Variants in ZDHHC3 observed in about 807,000 individuals in gnomAD.
The protein encoded by ZDHHC3 is palmitoyltransferase ZDHHC3.
ZDHHC3 carries 9 observed loss-of-function variants against 30.6 expected under a neutral mutation model. The observed-to-expected ratio is 0.29, with a 90% CI of 0.18 to 0.51. The LOEUF is 0.51. Ranked by LOEUF, ZDHHC3 falls within the 20% of genes least tolerant of loss-of-function variation. The pLI is 0.97. For missense variants in ZDHHC3, 246 were observed against 384.2 expected (o/e 0.64, Z 3.01); for synonymous variants, 136 against 140.2 (o/e 0.97, Z 0.21).
chr3:44,956,748 A>G (rs560111393), intron 2 of ZDHHC3, among the ~76,000 whole-genome samples: 1 of 152,274 alleles, frequency 6.6e-6, no homozygotes, highest in South Asian at 2.1e-4. Flanking sequence ...TGCCCGGACC[A>G]CTGCAATACC....
intron 3 of ZDHHC3, chr3:44,937,765 A>G (rs1173267402): frequency 3.1e-6 from 1 of 323,622 alleles, no homozygotes; most frequent in East Asian, 7.8e-5. Context: ...GGCCCCCAAG[A>G]TTGCACCCGC....
chr3:44,961,796 C>G (rs1261287999), intron 1 of ZDHHC3, among the ~76,000 whole-genome samples: 1 of 152,200 alleles, frequency 6.6e-6, no homozygotes, highest in Non-Finnish European at 1.5e-5. Context: ...CACCTGTGTT[C>G]TCACAATTAC....
Position 44,926,219 on chromosome 3 carries a change from T to G in ZDHHC3, c.*470A>C. ...AGGCCTCAAGGGGTAAGCATCCATC[T>G]TCGGTGAGGTTTTATGTCCCATCGG... On this transcript the variant is annotated 3_prime_UTR_variant, in exon 7 of 7. Coordinates refer to ENST00000424952, the MANE Select transcript of ZDHHC3 (RefSeq NM_001135179.2). 2 of 986,156 alleles carry G rather than the reference T, an allele frequency of 2.0e-6. No individual in the cohort carries two copies. The highest frequency in any genetic ancestry group is 3.5e-5 in the African/African-American group (2 of 57,414). The allele number at this position is 986,156 out of a possible 1,614,324, so 61.1% of individuals were successfully genotyped here.
chr3:44,939,986 A>T (rs1575829577), intron 3 of ZDHHC3, among the ~76,000 whole-genome samples: 1 of 152,246 alleles, frequency 6.6e-6, no homozygotes, highest in South Asian at 2.1e-4. Flanking sequence ...ACGTGGCTGG[A>T]GGCACTGCTC....
At position 44,921,035 on chromosome 3, in the gene ZDHHC3, T is replaced by C. The variant is rs958256103; in HGVS notation, c.*5654A>G. The C allele has an allele frequency of 1.3e-5, 13 of 985,278 alleles. No homozygotes were observed. The highest frequency in any genetic ancestry group is 5.2e-5 in the African/African-American group (3 of 57,214). The allele number at this position is 985,278 out of a possible 1,614,324, so 61.0% of individuals were successfully genotyped here. On this transcript the variant is annotated 3_prime_UTR_variant, in exon 7 of 7. Transcript: ENST00000424952. ...CTTGAGGTTTGCAGAGGAGCAGTAATAGTAGCTTCAGGCTCAAGAGAACGA... is the reference window on the plus strand; with the variant it reads ...CTTGAGGTTTGCAGAGGAGCAGTAACAGTAGCTTCAGGCTCAAGAGAACGA...
Position 44,922,246 on chromosome 3 carries a change from T to C in ZDHHC3, c.*4443A>G. 14 of 985,466 alleles carry C rather than the reference T, an allele frequency of 1.4e-5. No homozygotes were observed. The highest frequency in any genetic ancestry group is 1.7e-5 in the Non-Finnish European group (14 of 829,932). 61.0% of individuals were successfully genotyped at this position (985,466 alleles called of 1,614,324 possible). A position where few individuals can be genotyped will look rare whatever the true frequency, so the allele number is the denominator to read the frequency against. On this transcript the variant is annotated 3_prime_UTR_variant, in exon 7 of 7. Coordinates refer to ENST00000424952, the MANE Select transcript of ZDHHC3 (RefSeq NM_001135179.2). ...CGTAGAAAGCAAAGGTCAAGACGTG[T>C]TCAGGTCATGTATCCAGGCTGCTAC...
At chr3:44,964,318 AC>A (rs1559719316) in intron 1 of ZDHHC3, among the ~76,000 whole-genome samples, 2 of 152,204 alleles carry the variant, frequency 1.3e-5, no homozygotes, top group African/African-American at 2.4e-5. Flanking sequence ...TCTGAGCAGC[AC>A]CTGGAGCCAA....
intron 5 of ZDHHC3, 44 bp downstream of exon 5, chr3:44,933,074 A>T: frequency 6.2e-7 from 1 of 1,612,152 alleles, no homozygotes. Context: ...CTCAGGTCAC[A>T]CACCCACCCT....
chr3:44,953,690 T>C (rs1703672095), intron 2 of ZDHHC3, among the ~76,000 whole-genome samples: 1 of 152,092 alleles, frequency 6.6e-6, no homozygotes, highest in Non-Finnish European at 1.5e-5. Context: ...AAGTAAAAGG[T>C]AGCTAGTTGG....
At chr3:44,968,296 ATC>A (rs1271268678) in intron 1 of ZDHHC3, among the ~76,000 whole-genome samples, 27 of 152,184 alleles carry the variant, frequency 1.8e-4, no homozygotes, top group Non-Finnish European at 8.8e-5. Flanking sequence ...AGGATCTCTA[ATC>A]TCTGACTCTT....
At position 44,955,457 on chromosome 3, in the gene ZDHHC3, T is replaced by TCA. The variant is rs1553691496; in HGVS notation, c.306+3673_306+3674insTG. Among the ~76,000 whole-genome samples, 2 of 143,970 alleles carry TCA rather than the reference T, an allele frequency of 1.4e-5. 1 individual carries two copies. Among genetic ancestry groups the TCA allele is most frequent in the East Asian group, 4.1e-4 (2 of 4,932 alleles). The allele number at this position is 143,970 out of a possible 152,430, so 94.4% of individuals were successfully genotyped here. A position where few individuals can be genotyped will look rare whatever the true frequency, so the allele number is the denominator to read the frequency against. On this transcript the variant is annotated intron_variant, in intron 2 of 6. Transcript: ENST00000424952. ...CTGCTTGAGGGAGACCACAAGGTTT[T>TCA]TATATATATATATATATATGTATAT...
rs1216169966 is a variant in ZDHHC3, at chr3:44,922,936, T to C, written c.*3753A>G. ...GTGGGGCGCCTTCCCCTCTACTGGC[T>C]GGCTCACCCTTTAAGCTGATGCACT... On this transcript the variant is annotated 3_prime_UTR_variant, in exon 7 of 7. Transcript: ENST00000424952. 1.7e-5 allele frequency: 17 copies of C among 985,376 alleles called. No homozygotes were observed. The highest frequency in any genetic ancestry group is 2.0e-5 in the Non-Finnish European group (17 of 829,916). The allele number at this position is 985,376 out of a possible 1,614,324, so 61.0% of individuals were successfully genotyped here. A position where few individuals can be genotyped will look rare whatever the true frequency, so the allele number is the denominator to read the frequency against.
Position 44,922,819 on chromosome 3 carries a change from C to A in ZDHHC3, c.*3870G>T. The A allele has an allele frequency of 1.0e-6, 1 of 985,346 alleles. No individual in the cohort carries two copies. The highest frequency in any genetic ancestry group is 4.7e-5 in the South Asian group (1 of 21,270). 61.0% of individuals were successfully genotyped at this position (985,346 alleles called of 1,614,324 possible). A position where few individuals can be genotyped will look rare whatever the true frequency, so the allele number is the denominator to read the frequency against. ...TCAGGTGATGCTGATGTTGACGTTG[C>A]TGGTCTGGCAACCTCAAGAACACCT... On this transcript the variant is annotated 3_prime_UTR_variant, in exon 7 of 7. Coordinates refer to ENST00000424952, the MANE Select transcript of ZDHHC3 (RefSeq NM_001135179.2).
Position 44,926,242 on chromosome 3 carries a change from C to T in ZDHHC3, c.*447G>A, listed in dbSNP as rs1046374011. 8 of 986,682 alleles carry T rather than the reference C, an allele frequency of 8.1e-6. No individual in the cohort carries two copies. Among genetic ancestry groups the T allele is most frequent in the South Asian group, 4.7e-5 (1 of 21,318 alleles). The allele number at this position is 986,682 out of a possible 1,614,324, so 61.1% of individuals were successfully genotyped here. On this transcript the variant is annotated 3_prime_UTR_variant, in exon 7 of 7. Coordinates refer to ENST00000424952, the MANE Select transcript of ZDHHC3 (RefSeq NM_001135179.2). ...TCTTCGGTGAGGTTTTATGTCCCAT[C>T]GGGGAGCCCGCCACTGCCTCCTGGG... is the stretch of plus-strand genomic sequence containing the variant.
rs1293612318 is a variant in ZDHHC3, at chr3:44,957,671, A to G, written c.306+1460T>C. Among the ~76,000 whole-genome samples, 3 of 152,052 alleles carry G rather than the reference A, an allele frequency of 2.0e-5. No homozygotes were observed. The South Asian group carries it at 6.2e-4, about 32-fold the overall frequency. On this transcript the variant is annotated intron_variant, in intron 2 of 6. Transcript: ENST00000424952. ...TGCCTCCTTCCTGTCCTCAATGTCC[A>G]CTGCTCGGAGAAGAGCTGGCTTGGG...
Position 44,923,479 on chromosome 3 carries a change from T to C in ZDHHC3, c.*3210A>G, listed in dbSNP as rs1345203377. The C allele has an allele frequency of 1.0e-6, 1 of 985,310 alleles. No homozygotes were observed. Among genetic ancestry groups the C allele is most frequent in the African/African-American group, 1.7e-5 (1 of 57,242 alleles). 61.0% of individuals were successfully genotyped at this position (985,310 alleles called of 1,614,324 possible). A position where few individuals can be genotyped will look rare whatever the true frequency, so the allele number is the denominator to read the frequency against. The stretch of plus-strand genomic sequence containing the variant: ...TAACTATTTAAGTGGCCTAGCCAGA[T>C]GAGCAAAAGCTAATACTTGGGGCTT... On this transcript the variant is annotated 3_prime_UTR_variant, in exon 7 of 7. Transcript: ENST00000424952.
chr3:44,922,165 G>A lies in ZDHHC3; in HGVS notation c.*4524C>T. The A allele has an allele frequency of 8.1e-6, 8 of 985,420 alleles. No individual in the cohort carries two copies. The highest frequency in any genetic ancestry group is 9.6e-6 in the Non-Finnish European group (8 of 829,934). The allele number at this position is 985,420 out of a possible 1,614,324, so 61.0% of individuals were successfully genotyped here. A position where few individuals can be genotyped will look rare whatever the true frequency, so the allele number is the denominator to read the frequency against. On this transcript the variant is annotated 3_prime_UTR_variant, in exon 7 of 7. Coordinates refer to ENST00000424952, the MANE Select transcript of ZDHHC3 (RefSeq NM_001135179.2). ...TTTCTCTTCTATGAGGTGATCCTAA[G>A]CCAGATACATATTTAAAGAATACAA...
intron 2 of ZDHHC3, among the ~76,000 whole-genome samples, chr3:44,949,674 G>A (rs1447432870): frequency 6.6e-6 from 1 of 152,102 alleles, no homozygotes; most frequent in African/African-American, 2.4e-5. Context: ...CATCCAACGG[G>A]CCACCAGTGA....
chr3:44,928,236 C>T (rs1456739768), intron 6 of ZDHHC3, among the ~76,000 whole-genome samples: 1 of 152,172 alleles, frequency 6.6e-6, no homozygotes, highest in Admixed American at 6.5e-5. Context: ...AAAAAAGTTG[C>T]CAAAAGCCCC....
Sources: allele counts gnomAD v4.1 joint callset (sites outside exome capture counted in the v4.1 genomes callset), GRCh38; gene constraint gnomAD v4.1.1; transcripts MANE v1.5; gene names NCBI Gene and HGNC (gene_info 2026-07-23, HGNC 2026-07-21).